Variants in COX7B2 observed in about 807,000 individuals in gnomAD.
COX7B2 encodes the protein cytochrome c oxidase subunit 7B2, also known as cytochrome c oxidase subunit 7B2, mitochondrial.
For missense variants in COX7B2, 109 were observed against 95.9 expected (o/e 1.14, Z -0.57); for synonymous variants, 37 against 32.1 (o/e 1.15, Z -0.51).
intron 1 of COX7B2, among the ~76,000 whole-genome samples, chr4:46,907,031 C>T (rs543946903): frequency 2.0e-4 from 30 of 152,316 alleles, no homozygotes; most frequent in African/African-American, 7.0e-4. Context: ...AACGTCATCC[C>T]TTAACAGTGA....
At chr4:46,880,993 TAAAAA>T (rs1215385422) in intron 1 of COX7B2, among the ~76,000 whole-genome samples, 1 of 102,830 alleles carries the variant, frequency 9.7e-6, no homozygotes, top group East Asian at 3.3e-4. Flanking sequence ...TAGAGTATAA[TAAAAA>T]AAAAAAAAAA....
At chr4:46,810,481 A>G (rs886834824) in intron 2 of COX7B2, among the ~76,000 whole-genome samples, 1 of 152,042 alleles carries the variant, frequency 6.6e-6, no homozygotes, top group African/African-American at 2.4e-5. Context: ...AGGCTGACAA[A>G]AGTATCTTAT....
chr4:46,888,424 G>T (rs1719212377), intron 1 of COX7B2, among the ~76,000 whole-genome samples: 1 of 151,572 alleles, frequency 6.6e-6, no homozygotes, highest in South Asian at 2.1e-4. Flanking sequence ...CTGGACAGGG[G>T]CAGATTATGT....
chr4:46,806,644 C>T (rs1719010145), intron 2 of COX7B2, among the ~76,000 whole-genome samples: 1 of 152,028 alleles, frequency 6.6e-6, no homozygotes, highest in African/African-American at 2.4e-5. Context: ...ATTCATCATA[C>T]ATATCTACCA....
chr4:46,864,183 G>A (rs1426836920), intron 1 of COX7B2, among the ~76,000 whole-genome samples: 1 of 152,164 alleles, frequency 6.6e-6, no homozygotes, highest in East Asian at 1.9e-4. Flanking sequence ...CAAAATGGAA[G>A]GGCCCCTATC....
chr4:46,874,635 G>C (rs1293254790), intron 1 of COX7B2, among the ~76,000 whole-genome samples: 1 of 151,728 alleles, frequency 6.6e-6, no homozygotes, highest in Non-Finnish European at 1.5e-5. Context: ...TTTATGTTTT[G>C]ATACATAGGT....
At chr4:46,860,147 G>C (rs1560424156) in intron 1 of COX7B2, among the ~76,000 whole-genome samples, 1 of 152,138 alleles carries the variant, frequency 6.6e-6, no homozygotes, top group Non-Finnish European at 1.5e-5. Flanking sequence ...GCAAATAGAA[G>C]GTTAGAAGAT....
At chr4:46,890,252 T>C (rs1051261502) in intron 1 of COX7B2, among the ~76,000 whole-genome samples, 3 of 152,218 alleles carry the variant, frequency 2.0e-5, no homozygotes, top group African/African-American at 4.8e-5. Context: ...GCTTCCGTTC[T>C]AGTAGAGATT....
At chr4:46,900,671 C>T (rs1720026778) in intron 1 of COX7B2, among the ~76,000 whole-genome samples, 1 of 152,134 alleles carries the variant, frequency 6.6e-6, no homozygotes, top group South Asian at 2.1e-4. Context: ...GAGGTGGGGG[C>T]CTTTGATAGG....
At chr4:46,756,592 A>C (rs1267822008) in intron 2 of COX7B2, among the ~76,000 whole-genome samples, 1 of 152,092 alleles carries the variant, frequency 6.6e-6, no homozygotes, top group East Asian at 1.9e-4. Flanking sequence ...GAACTCAAGC[A>C]ACTCAACAAC....
At chr4:46,892,627 A>G (rs764910429) in intron 1 of COX7B2, among the ~76,000 whole-genome samples, 1 of 152,210 alleles carries the variant, frequency 6.6e-6, no homozygotes, top group African/African-American at 2.4e-5. Context: ...ATAAACTTCC[A>G]TAATCAGAAA....
At chr4:46,809,413 A>C (rs1719172864) in intron 2 of COX7B2, among the ~76,000 whole-genome samples, 2 of 151,798 alleles carry the variant, frequency 1.3e-5, no homozygotes, top group Non-Finnish European at 3.0e-5. Context: ...GTTTATTTCT[A>C]TAAACTTTCC....
At chr4:46,738,550 T>A (rs1214694509) in intron 2 of COX7B2, among the ~76,000 whole-genome samples, 1 of 152,098 alleles carries the variant, frequency 6.6e-6, no homozygotes, top group African/African-American at 2.4e-5. Context: ...TTTATCTTTA[T>A]AAAATACATG....
chr4:46,800,928 C>G (rs1173065569), intron 2 of COX7B2, among the ~76,000 whole-genome samples: 1 of 151,954 alleles, frequency 6.6e-6, no homozygotes, highest in Non-Finnish European at 1.5e-5. Context: ...AAAAACCAAC[C>G]CCATTTAAAA....
chr4:46,735,722 G>A lies in COX7B2; in HGVS notation c.-49-481C>T, dbSNP rs560022633. Among the ~76,000 whole-genome samples, 30 of 151,954 alleles carry A rather than the reference G, an allele frequency of 2.0e-4. No individual in the cohort carries two copies. In the Middle Eastern group the frequency reaches 0.014, roughly 69 times the overall value. ...AAATTCTGCTTGCCTTTGAAATTCC[G>A]CTCTAAGAGTTACCACTTCTGTGAA... On this transcript the variant is annotated intron_variant, in intron 2 of 2. Transcript: ENST00000355591.
chr4:46,849,970 T>C (rs1253567366), intron 1 of COX7B2, among the ~76,000 whole-genome samples: 2 of 151,976 alleles, frequency 1.3e-5, no homozygotes, highest in Admixed American at 6.6e-5. Context: ...AAGAGAAACA[T>C]AGATTGTGTA....
At chr4:46,826,425 T>C (rs1044829535) in intron 2 of COX7B2, among the ~76,000 whole-genome samples, 5 of 151,908 alleles carry the variant, frequency 3.3e-5, no homozygotes, top group African/African-American at 9.7e-5. Flanking sequence ...TTGGTGGGAG[T>C]GTAAATTAGT....
At chr4:46,812,371 A>T (rs112244362) in intron 2 of COX7B2, among the ~76,000 whole-genome samples, 7 of 13,782 alleles carry the variant, frequency 5.1e-4, no homozygotes, top group South Asian at 4.2e-3. Context: ...AATAAAAATT[A>T]AAAAAAAAAA....
chr4:46,734,886 A>G lies in COX7B2; in HGVS notation c.*61T>C, dbSNP rs770332163. 35 of 1,564,232 alleles carry G rather than the reference A, an allele frequency of 2.2e-5. No individual in the cohort carries two copies. The highest frequency in any genetic ancestry group is 3.0e-5 in the Non-Finnish European group (34 of 1,136,410). On this transcript the variant is annotated 3_prime_UTR_variant, in exon 3 of 3. Transcript: ENST00000355591. ...ATTGTGCTATATTTTAATAAGCAGT[A>G]GAGTGCTTACATGACAAGTTGGTTT...
Sources: gnomAD v4.1 joint callset for allele counts (sites outside exome capture counted in the v4.1 genomes callset) on GRCh38, gnomAD v4.1.1 for gene constraint, MANE v1.5 for transcripts, NCBI Gene and HGNC (gene_info 2026-07-23, HGNC 2026-07-21) for gene names.